Variants in CENPA observed in about 807,000 individuals in gnomAD.
CENPA encodes histone H3-like centromeric protein A.
CENPA carries 7 observed loss-of-function variants against 17.2 expected under a neutral mutation model. That is an observed-to-expected ratio of 0.41 (90% CI 0.23 to 0.76). The LOEUF (loss-of-function observed/expected upper bound fraction) is 0.76. Ranked by LOEUF, CENPA falls within the 30% of genes least tolerant of loss-of-function variation. CENPA has a pLI of 0.34. For missense variants in CENPA, 149 were observed against 193.1 expected (o/e 0.77, Z 1.35); for synonymous variants, 82 against 77.4 (o/e 1.06, Z -0.31).
chr2:26,793,068 TAA>T, intron 3 of CENPA, 75 bp from the exon 4 acceptor site: 1 of 1,568,292 alleles, frequency 6.4e-7, no homozygotes, highest in Non-Finnish European at 8.7e-7. Context: ...CCTCAGAGAT[TAA>T]GTTTAGCAGG....
At chr2:26,787,178 T>C (rs1221337100) in intron 1 of CENPA, among the ~76,000 whole-genome samples, 1 of 152,232 alleles carries the variant, frequency 6.6e-6, no homozygotes, top group Non-Finnish European at 1.5e-5. Flanking sequence ...AGTGCTGGGA[T>C]TGCAGGCATG....
At chr2:26,788,626 C>G (rs2148066140) in intron 1 of CENPA, among the ~76,000 whole-genome samples, 1 of 152,324 alleles carries the variant, frequency 6.6e-6, no homozygotes, top group South Asian at 2.1e-4. Flanking sequence ...ACACTTCACA[C>G]TGGCATCGGC....
Position 26,786,289 on chromosome 2 carries a change from C to G in CENPA, c.93C>G (p.Pro31=), listed in dbSNP as rs571136113. ...TPTPGPSRRG[P]SLGASSHQHS... ...CCCCCGGCCCCTCCCGGCGGGGCCC[C>G]TCCTTAGGTAACCGGCCGCGGCCCC... The change falls in exon 1 of 5, where the codon CCC becomes CCG. Residue 31 remains proline, a synonymous_variant. Transcript: ENST00000335756. 8 of 1,331,582 alleles carry G rather than the reference C, an allele frequency of 6.0e-6. No individual in the cohort carries two copies. The African/African-American group carries it at 1.2e-4, about 21-fold the overall frequency. The allele number at this position is 1,331,582 out of a possible 1,614,324, so 82.5% of individuals were successfully genotyped here.
chr2:26,788,959 G>A (rs994347627), intron 1 of CENPA, among the ~76,000 whole-genome samples: 7 of 152,226 alleles, frequency 4.6e-5, no homozygotes, highest in African/African-American at 1.7e-4. Context: ...ACAGGCCTGA[G>A]CCGCTGCGCC....
chr2:26,792,313 C>A, intron 2 of CENPA, 73 bp downstream of exon 2: 1 of 1,172,104 alleles, frequency 8.5e-7, no homozygotes, highest in Non-Finnish European at 1.2e-6. Flanking sequence ...TATTAGGGAC[C>A]CTACTGTCTC....
chr2:26,787,158 G>A (rs1664521830), intron 1 of CENPA, among the ~76,000 whole-genome samples: 2 of 152,186 alleles, frequency 1.3e-5, no homozygotes, highest in African/African-American at 2.4e-5. Flanking sequence ...CTCCTGCCTG[G>A]GCCTCCCAAA....
chr2:26,792,329 T>A, intron 2 of CENPA, 89 bp downstream of exon 2: 2 of 1,011,534 alleles, frequency 2.0e-6, no homozygotes, highest in South Asian at 1.5e-5. Flanking sequence ...GTCTCTTAAC[T>A]AACTGGCCAA....
At chr2:26,792,062 G>A in intron 1 of CENPA, 69 bp from the exon 2 acceptor site, 1 of 1,315,418 alleles carries the variant, frequency 7.6e-7, no homozygotes, top group Non-Finnish European at 1.1e-6. Flanking sequence ...CAATTTGACA[G>A]CTTACCTGAC....
intron 1 of CENPA, among the ~76,000 whole-genome samples, chr2:26,788,331 T>C (rs1015403551): frequency 1.3e-5 from 2 of 152,182 alleles, no homozygotes; most frequent in Non-Finnish European, 2.9e-5. Flanking sequence ...TTAAACCTTT[T>C]TTGTAGAGAC....
chr2:26,790,930 G>T (rs1664604715), intron 1 of CENPA, among the ~76,000 whole-genome samples: 1 of 152,198 alleles, frequency 6.6e-6, no homozygotes, highest in Non-Finnish European at 1.5e-5. Flanking sequence ...CGAACTTGGT[G>T]TAGAGTCTCT....
Sources: allele counts gnomAD v4.1 joint callset (sites outside exome capture counted in the v4.1 genomes callset), GRCh38; gene constraint gnomAD v4.1.1; transcripts MANE v1.5; gene names NCBI Gene and HGNC (gene_info 2026-07-23, HGNC 2026-07-21).